The following TMEM132D variants were observed in gnomAD, a reference collection of about 807,000 sequenced individuals.
TMEM132D encodes the protein transmembrane protein 132D.
TMEM132D carries 21 observed loss-of-function variants against 62.3 expected under a neutral mutation model. That is an observed-to-expected ratio of 0.34 (90% CI 0.24 to 0.49). The LOEUF is 0.49. Among genes scored for constraint, TMEM132D ranks in the 20% least tolerant of loss-of-function variants. The pLI, the probability that TMEM132D is intolerant of heterozygous loss-of-function variation, is 0.99. For synonymous variants in TMEM132D, 621 were observed against 575.6 expected, an observed-to-expected ratio of 1.08 and a Z score of -1.13; for missense variants, 1,346 against 1,402.8, an observed-to-expected ratio of 0.96 and a Z score of 0.65.
At chr12:129,333,498 A>T (rs984727623) in intron 4 of TMEM132D, among the ~76,000 whole-genome samples, 2 of 152,178 alleles carry the variant, frequency 1.3e-5, no homozygotes, top group African/African-American at 4.8e-5. Flanking sequence ...TAAAGCTAGG[A>T]TGCATCTTTT....
chr12:129,593,050 C>G (rs1878238771), intron 2 of TMEM132D, among the ~76,000 whole-genome samples: 1 of 151,962 alleles, frequency 6.6e-6, no homozygotes, highest in Non-Finnish European at 1.5e-5. Context: ...GTTACAGAGA[C>G]CTATGAGGTT....
chr12:129,077,786 A>G (rs571985447), intron 8 of TMEM132D, among the ~76,000 whole-genome samples: 1 of 149,464 alleles, frequency 6.7e-6, no homozygotes, highest in African/African-American at 2.4e-5. Context: ...ATATACATGC[A>G]TACAGGTGCC....
At chr12:129,260,310 G>C (rs965516592) in intron 4 of TMEM132D, among the ~76,000 whole-genome samples, 5 of 152,260 alleles carry the variant, frequency 3.3e-5, no homozygotes, top group Non-Finnish European at 7.4e-5. Context: ...AATGAACAAA[G>C]AGGAGCAACC....
chr12:129,653,624 G>A (rs1879989136), intron 2 of TMEM132D, among the ~76,000 whole-genome samples: 1 of 152,160 alleles, frequency 6.6e-6, no homozygotes, highest in Admixed American at 6.5e-5. Context: ...AACTGGCTGT[G>A]TACATATAGT....
At chr12:129,699,772 G>C (rs769120390) in intron 2 of TMEM132D, 38 bp downstream of exon 2, 16 of 1,597,958 alleles carry the variant, frequency 1.0e-5, no homozygotes, top group Admixed American at 5.1e-5. Context: ...CCACCTGATC[G>C]ACGGGCGGGT....
intron 3 of TMEM132D, among the ~76,000 whole-genome samples, chr12:129,450,415 A>G (rs1055330748): frequency 9.9e-5 from 15 of 152,162 alleles, no homozygotes; most frequent in African/African-American, 2.9e-4. Flanking sequence ...TCGTAAGTTT[A>G]TCTATGTAAC....
chr12:129,369,753 G>A (rs1870537194), intron 3 of TMEM132D, among the ~76,000 whole-genome samples: 1 of 152,246 alleles, frequency 6.6e-6, no homozygotes, highest in African/African-American at 2.4e-5. Context: ...GAGAACAACT[G>A]AAGTACAAAC....
intron 3 of TMEM132D, among the ~76,000 whole-genome samples, chr12:129,494,002 T>A (rs1874876352): frequency 6.6e-6 from 1 of 152,186 alleles, no homozygotes; most frequent in African/African-American, 2.4e-5. Flanking sequence ...CTAAGCTTCT[T>A]CCCTTCTGTG....
At chr12:129,828,142 C>G (rs1208389354) in intron 1 of TMEM132D, among the ~76,000 whole-genome samples, 2 of 152,190 alleles carry the variant, frequency 1.3e-5, no homozygotes, top group East Asian at 3.9e-4. Flanking sequence ...AAAGGCTAAG[C>G]AGGGGGCCTG....
At chr12:129,104,339 A>G (rs1875416120) in intron 5 of TMEM132D, among the ~76,000 whole-genome samples, 1 of 151,888 alleles carries the variant, frequency 6.6e-6, no homozygotes, top group African/African-American at 2.4e-5. Context: ...GGCTAGCCAT[A>G]TGTAGAAAGC....
chr12:129,859,023 C>A (rs1456513185), intron 1 of TMEM132D, among the ~76,000 whole-genome samples: 1 of 141,180 alleles, frequency 7.1e-6, no homozygotes, highest in Admixed American at 7.0e-5. Context: ...GCCCTAGTAA[C>A]GGAGTCCGGG....
chr12:129,582,225 T>C, intron 2 of TMEM132D, among the ~76,000 whole-genome samples: 1 of 152,236 alleles, frequency 6.6e-6, no homozygotes, highest in East Asian at 1.9e-4. Flanking sequence ...CAAGTCCCTT[T>C]TCCTTCCAGA....
chr12:129,543,312 AGATGGATG>A (rs1215351562), intron 2 of TMEM132D, among the ~76,000 whole-genome samples: 11 of 125,082 alleles, frequency 8.8e-5, no homozygotes, highest in East Asian at 2.3e-4. Context: ...GTGGATGGAT[AGATGGATG>A]GATGGATGGA....
intron 4 of TMEM132D, among the ~76,000 whole-genome samples, chr12:129,226,011 T>A (rs866060406): frequency 6.6e-6 from 1 of 152,198 alleles, no homozygotes; most frequent in South Asian, 2.1e-4. Context: ...AATGTGTCAA[T>A]GCTGAAAGAA....
intron 2 of TMEM132D, among the ~76,000 whole-genome samples, chr12:129,651,371 A>G (rs1279621361): frequency 1.3e-5 from 2 of 152,094 alleles, no homozygotes; most frequent in Non-Finnish European, 2.9e-5. Context: ...TTTATTTTTA[A>G]CCTTGGTTCA....
At chr12:129,640,425 G>A (rs775117439) in intron 2 of TMEM132D, among the ~76,000 whole-genome samples, 12 of 152,158 alleles carry the variant, frequency 7.9e-5, no homozygotes, top group Non-Finnish European at 1.2e-4. Context: ...TTCCCATGGG[G>A]GACCCCTTAT....
intron 2 of TMEM132D, among the ~76,000 whole-genome samples, chr12:129,696,423 A>C (rs558388481): frequency 6.6e-6 from 1 of 152,352 alleles, no homozygotes; most frequent in South Asian, 2.1e-4. Context: ...CATTCAAGAA[A>C]TCTAAGGATG....
intron 4 of TMEM132D, among the ~76,000 whole-genome samples, chr12:129,238,760 G>T (rs2135582927): frequency 6.6e-6 from 1 of 152,142 alleles, no homozygotes; most frequent in East Asian, 1.9e-4. Flanking sequence ...CTACCTCTTG[G>T]CTATAGTGAA....
intron 3 of TMEM132D, among the ~76,000 whole-genome samples, chr12:129,459,184 C>T (rs1454106759): frequency 2.0e-5 from 3 of 152,066 alleles, no homozygotes; most frequent in East Asian, 1.9e-4. Context: ...CAGCACTGCA[C>T]CTGGAAATGA....
Sources: allele counts gnomAD v4.1 joint callset (sites outside exome capture counted in the v4.1 genomes callset), GRCh38; gene constraint gnomAD v4.1.1; transcripts MANE v1.5; gene names NCBI Gene and HGNC (gene_info 2026-07-23, HGNC 2026-07-21).